DLG2: variants seen among roughly 807,000 people sequenced by gnomAD.
The protein encoded by DLG2 is discs large MAGUK scaffold protein 2.
DLG2 carries 45 observed loss-of-function variants against 132.5 expected under a neutral mutation model. That is an observed-to-expected ratio of 0.34 (90% CI 0.27 to 0.44). The LOEUF (loss-of-function observed/expected upper bound fraction) is 0.44, where lower values mean the gene tolerates loss of function less well. Among genes scored for constraint, DLG2 ranks in the 20% least tolerant of loss-of-function variants. The probability of loss-of-function intolerance (pLI) is 1.00; values close to 1 mark genes in which losing one functional copy is unlikely to be tolerated. For missense variants in DLG2, 1,045 were observed against 1,196.9 expected, an observed-to-expected ratio of 0.87 and a Z score of 1.87; for synonymous variants, 424 against 419.6, an observed-to-expected ratio of 1.01 and a Z score of -0.13.
intron 6 of DLG2, among the ~76,000 whole-genome samples, chr11:85,101,284 G>A (rs564866317): frequency 3.9e-5 from 6 of 151,978 alleles, no homozygotes; most frequent in South Asian, 2.1e-4. Flanking sequence ...ATGATTATAC[G>A]AGATATATCT....
chr11:84,131,653 C>A (rs993316854), intron 9 of DLG2, among the ~76,000 whole-genome samples: 3 of 151,758 alleles, frequency 2.0e-5, no homozygotes, highest in Non-Finnish European at 4.4e-5. Context: ...GGAAAGGTGA[C>A]TCAGTTGTAA....
At chr11:84,614,203 A>T (rs1411531163) in intron 6 of DLG2, among the ~76,000 whole-genome samples, 2 of 152,212 alleles carry the variant, frequency 1.3e-5, no homozygotes, top group Non-Finnish European at 1.5e-5. Context: ...GTAGAAGCAA[A>T]CTATAAACCA....
At chr11:85,533,492 C>T (rs2075362731) in intron 3 of DLG2, among the ~76,000 whole-genome samples, 1 of 146,194 alleles carries the variant, frequency 6.8e-6, no homozygotes, top group Non-Finnish European at 1.5e-5. Context: ...TTTTTAATAG[C>T]TGAATAGCAT....
intron 3 of DLG2, among the ~76,000 whole-genome samples, chr11:85,574,845 C>A (rs188012755): frequency 1.3e-5 from 2 of 152,144 alleles, no homozygotes; most frequent in Admixed American, 6.5e-5. Flanking sequence ...AAATAAACCT[C>A]TTTTCTTTAT....
chr11:83,489,088 G>C (rs571683403), intron 21 of DLG2, among the ~76,000 whole-genome samples: 1 of 151,954 alleles, frequency 6.6e-6, no homozygotes, highest in Non-Finnish European at 1.5e-5. Flanking sequence ...ATCAGTAGCT[G>C]CTACAATCAC....
intron 9 of DLG2, among the ~76,000 whole-genome samples, chr11:84,148,798 C>A (rs2095184871): frequency 6.6e-6 from 1 of 152,054 alleles, no homozygotes; most frequent in Non-Finnish European, 1.5e-5. Flanking sequence ...CTCCAAACTG[C>A]TCTTCACGGT....
intron 3 of DLG2, among the ~76,000 whole-genome samples, chr11:85,544,331 G>T (rs2076164497): frequency 6.6e-6 from 1 of 152,106 alleles, no homozygotes; most frequent in Non-Finnish European, 1.5e-5. Flanking sequence ...TGAGGCTTCT[G>T]TTCTGTTCCA....
chr11:85,276,825 A>G (rs1413394003), intron 4 of DLG2, among the ~76,000 whole-genome samples: 1 of 152,180 alleles, frequency 6.6e-6, no homozygotes, highest in Non-Finnish European at 1.5e-5. Context: ...GCTCTGAACC[A>G]TATTACAGCT....
At chr11:84,917,249 C>T (rs1040376913) in intron 6 of DLG2, among the ~76,000 whole-genome samples, 4 of 152,102 alleles carry the variant, frequency 2.6e-5, no homozygotes, top group African/African-American at 9.7e-5. Flanking sequence ...AAGCCTCAGG[C>T]CTGACTCTGG....
At chr11:84,311,075 T>C (rs975025965) in intron 7 of DLG2, among the ~76,000 whole-genome samples, 3 of 152,154 alleles carry the variant, frequency 2.0e-5, no homozygotes, top group South Asian at 4.1e-4. Context: ...GCATGCACAG[T>C]TGTAAATTGC....
intron 6 of DLG2, among the ~76,000 whole-genome samples, chr11:84,962,079 A>ACAATGG (rs1351460875): frequency 2.0e-5 from 3 of 152,278 alleles, no homozygotes; most frequent in East Asian, 1.9e-4. Context: ...ATTAACCCTC[A>ACAATGG]CAATGGCAAT....
chr11:84,923,647 G>A (rs758607813), intron 6 of DLG2: 16 of 950,314 alleles, frequency 1.7e-5, no homozygotes, highest in Non-Finnish European at 1.9e-5. Context: ...TATATTCCAG[G>A]CTATTCTGGT....
chr11:85,023,111 C>T (rs559951206), intron 6 of DLG2, among the ~76,000 whole-genome samples: 1 of 152,106 alleles, frequency 6.6e-6, no homozygotes, highest in Admixed American at 6.5e-5. Flanking sequence ...TTTTCTCTCA[C>T]TTATCAGTAA....
intron 9 of DLG2, among the ~76,000 whole-genome samples, chr11:84,108,941 A>G (rs1395097617): frequency 6.6e-6 from 1 of 152,178 alleles, no homozygotes; most frequent in Non-Finnish European, 1.5e-5. Flanking sequence ...GAGAAGAATC[A>G]AAGATGACGT....
intron 8 of DLG2, among the ~76,000 whole-genome samples, chr11:84,219,356 G>C (rs913860345): frequency 6.6e-6 from 1 of 152,122 alleles, no homozygotes; most frequent in Non-Finnish European, 1.5e-5. Context: ...TTGTTACGGG[G>C]AGATTTTGAA....
At chr11:84,502,334 CTTTCTTTCTTTCTTTCTTTCTTTCT>C (rs2099218235) in intron 7 of DLG2, among the ~76,000 whole-genome samples, 1 of 25,652 alleles carries the variant, frequency 3.9e-5, no homozygotes, top group Non-Finnish European at 7.0e-5. Context: ...TTCTTTCTTT[CTTTCTTTCTTTCTTTCTTTCTTTCT>C]TTCTTTCTTT....
intron 9 of DLG2, among the ~76,000 whole-genome samples, chr11:84,139,125 C>G (rs1411524703): frequency 1.3e-5 from 2 of 152,084 alleles, no homozygotes; most frequent in African/African-American, 2.4e-5. Context: ...TTTATGATAG[C>G]TTGCCCTGAT....
intron 19 of DLG2, among the ~76,000 whole-genome samples, chr11:83,563,170 G>A (rs189308637): frequency 7.9e-4 from 120 of 151,756 alleles, no homozygotes; most frequent in African/African-American, 2.7e-3. Flanking sequence ...GTAGAGACAG[G>A]GTTTCACCAT....
At chr11:83,797,139 G>A (rs149732394) in intron 17 of DLG2, among the ~76,000 whole-genome samples, 91 of 152,142 alleles carry the variant, frequency 6.0e-4, no homozygotes, top group South Asian at 2.9e-3. Context: ...GAGAGGGCCT[G>A]CACATCTGAA....
Sources: allele counts gnomAD v4.1 joint callset (sites outside exome capture counted in the v4.1 genomes callset), GRCh38; gene constraint gnomAD v4.1.1; transcripts MANE v1.5; gene names NCBI Gene and HGNC (gene_info 2026-07-23, HGNC 2026-07-21).